Variants in DNAAF4 observed in about 807,000 individuals in gnomAD.
DNAAF4 encodes dynein assembly factor 4, axonemal.
DNAAF4 carries 43 observed loss-of-function variants against 51.8 expected under a neutral mutation model. That is an observed-to-expected ratio of 0.83 (90% CI 0.65 to 1.07). DNAAF4 has a LOEUF of 1.07. DNAAF4 is among the 50% of genes least tolerant of loss of function. DNAAF4 has a pLI of 0.00. For missense variants in DNAAF4, 581 were observed against 493.0 expected (o/e 1.18, Z -1.69); for synonymous variants, 194 against 165.6 (o/e 1.17, Z -1.32).
intron 4 of DNAAF4, among the ~76,000 whole-genome samples, chr15:55,470,265 T>C (rs2141518674): frequency 6.6e-6 from 1 of 152,176 alleles, no homozygotes; most frequent in East Asian, 1.9e-4. Flanking sequence ...TTGGCCAGGC[T>C]GATCTTGAAC....
At chr15:55,431,383 CACACACAAAT>C (rs1429259528) in intron 9 of DNAAF4, among the ~76,000 whole-genome samples, 1 of 151,092 alleles carries the variant, frequency 6.6e-6, no homozygotes. Context: ...CACACACACA[CACACACAAAT>C]ACATACATAC....
intron 7 of DNAAF4, among the ~76,000 whole-genome samples, chr15:55,438,212 G>A (rs946643154): frequency 2.0e-5 from 3 of 151,810 alleles, no homozygotes; most frequent in Non-Finnish European, 4.4e-5. Context: ...TTAGTTGGGC[G>A]TGGTGGCAGG....
intron 1 of DNAAF4, among the ~76,000 whole-genome samples, chr15:55,500,736 T>C (rs2058692519): frequency 6.6e-6 from 1 of 152,104 alleles, no homozygotes; most frequent in African/African-American, 2.4e-5. Flanking sequence ...CTCATGCCTG[T>C]AATCCCACCA....
chr15:55,431,389 C>T (rs1254766546), intron 9 of DNAAF4, among the ~76,000 whole-genome samples: 43 of 138,228 alleles, frequency 3.1e-4, no homozygotes, highest in African/African-American at 1.1e-3. Flanking sequence ...CACACACACA[C>T]AAATACATAC....
downstream of DNAAF4, among the ~76,000 whole-genome samples, chr15:55,429,587 G>A (rs1369869188): frequency 6.6e-6 from 1 of 151,618 alleles, no homozygotes; most frequent in Non-Finnish European, 1.5e-5. Flanking sequence ...GGAGGCCAAG[G>A]TGGGTGGATC....
chr15:55,486,099 A>G (rs114408687), intron 4 of DNAAF4, among the ~76,000 whole-genome samples: 6 of 151,342 alleles, frequency 4.0e-5, no homozygotes, highest in African/African-American at 1.5e-4. Flanking sequence ...AGCTTCCACT[A>G]ATCACCTCAT....
At chr15:55,449,067 G>A (rs1345131799) in intron 6 of DNAAF4, among the ~76,000 whole-genome samples, 1 of 148,168 alleles carries the variant, frequency 6.7e-6, no homozygotes, top group Non-Finnish European at 1.5e-5. Flanking sequence ...TTGGCTCATT[G>A]CAACCTCTGA....
chr15:55,442,060 C>A (rs181926015), intron 6 of DNAAF4, among the ~76,000 whole-genome samples: 32 of 152,280 alleles, frequency 2.1e-4, no homozygotes, highest in African/African-American at 7.5e-4. Context: ...TTTCAATACA[C>A]ATTTATTTCT....
chr15:55,419,305 A>G (rs2057367467), intron 7 of DNAAF4, among the ~76,000 whole-genome samples: 1 of 151,984 alleles, frequency 6.6e-6, no homozygotes, highest in Non-Finnish European at 1.5e-5. Context: ...GTTCACTGCA[A>G]CCTTGGACTC....
downstream of DNAAF4, among the ~76,000 whole-genome samples, chr15:55,428,651 C>T (rs1162571926): frequency 2.0e-5 from 3 of 151,392 alleles, no homozygotes; most frequent in East Asian, 2.0e-4. Flanking sequence ...CCTGCCACCA[C>T]GCCTGGCTAA....
intron 7 of DNAAF4, among the ~76,000 whole-genome samples, chr15:55,420,693 T>C: frequency 6.6e-6 from 1 of 152,228 alleles, no homozygotes; most frequent in Non-Finnish European, 1.5e-5. Context: ...CTGCACAAGA[T>C]GTCCAAGTGA....
downstream of DNAAF4, among the ~76,000 whole-genome samples, chr15:55,427,586 T>C (rs982566216): frequency 3.3e-5 from 5 of 152,084 alleles, no homozygotes; most frequent in Admixed American, 3.3e-4. Flanking sequence ...TAAACACTGA[T>C]CTTAGGAGCA....
chr15:55,456,807 T>C (rs1439237122), intron 5 of DNAAF4, among the ~76,000 whole-genome samples: 5 of 152,172 alleles, frequency 3.3e-5, no homozygotes, highest in Non-Finnish European at 7.3e-5. Flanking sequence ...TAGATTTAGG[T>C]AGCTGAGCAA....
At chr15:55,454,427 G>A (rs961355883) in intron 5 of DNAAF4, among the ~76,000 whole-genome samples, 3 of 151,978 alleles carry the variant, frequency 2.0e-5, no homozygotes, top group Non-Finnish European at 4.4e-5. Flanking sequence ...ACCCAGGCTA[G>A]AGTGCAGTGG....
chr15:55,485,625 AC>A (rs2058476300), intron 4 of DNAAF4, among the ~76,000 whole-genome samples: 1 of 152,174 alleles, frequency 6.6e-6, no homozygotes, highest in Admixed American at 6.5e-5. Context: ...GGAAAACAAA[AC>A]AAAAACAAGA....
At chr15:55,442,567 A>G in intron 6 of DNAAF4, 2 of 1,029,686 alleles carry the variant, frequency 1.9e-6, no homozygotes, top group Non-Finnish European at 3.1e-6. Flanking sequence ...GAGGGAGCAG[A>G]GTATTCGGGG....
chr15:55,420,709 G>A (rs973034629), intron 7 of DNAAF4, among the ~76,000 whole-genome samples: 1 of 152,158 alleles, frequency 6.6e-6, no homozygotes, highest in African/African-American at 2.4e-5. Context: ...AGTGAATTAT[G>A]CAATAACATT....
chr15:55,471,241 C>T (rs2058250903), intron 4 of DNAAF4, among the ~76,000 whole-genome samples: 1 of 152,180 alleles, frequency 6.6e-6, no homozygotes, highest in South Asian at 2.1e-4. Context: ...CTAGTCATAG[C>T]TTGGTCTTTC....
At chr15:55,465,224 C>A (rs1476883884) in intron 5 of DNAAF4, among the ~76,000 whole-genome samples, 1 of 152,072 alleles carries the variant, frequency 6.6e-6, no homozygotes, top group Non-Finnish European at 1.5e-5. Context: ...AAAAGTAGAA[C>A]CGCCATTTGA....
Sources: gnomAD v4.1 joint callset for allele counts (sites outside exome capture counted in the v4.1 genomes callset) on GRCh38, gnomAD v4.1.1 for gene constraint, MANE v1.5 for transcripts, NCBI Gene and HGNC (gene_info 2026-07-23, HGNC 2026-07-21) for gene names.